The following CCDC169 variants were observed in gnomAD, a reference collection of about 807,000 sequenced individuals.
CCDC169 encodes the protein coiled-coil domain-containing protein 169.
A neutral mutation model predicts 36.0 loss-of-function variants in CCDC169; 30 were observed. That is an observed-to-expected ratio of 0.83 (90% CI 0.62 to 1.13). The LOEUF is 1.13. Ranked by LOEUF, CCDC169 falls within the 50% of genes most tolerant of loss-of-function variation. The pLI is 0.00. For missense variants in CCDC169, 245 were observed against 245.9 expected (o/e 1.00, Z 0.03); for synonymous variants, 85 against 81.5 (o/e 1.04, Z -0.23).
intron 6 of CCDC169, among the ~76,000 whole-genome samples, chr13:36,250,881 G>A (rs951492567): frequency 4.6e-5 from 7 of 152,118 alleles, no homozygotes; most frequent in East Asian, 1.9e-4. Flanking sequence ...AGAACTTCCC[G>A]ATAATGAAAC....
chr13:36,252,850 T>TCAGTTTAGGATGTATTTTGGCA, intron 6 of CCDC169, among the ~76,000 whole-genome samples: 1 of 152,200 alleles, frequency 6.6e-6, no homozygotes, highest in South Asian at 2.1e-4. Context: ...CATCCTAATC[T>TCAGTTTAGGATGTATTTTGGCA]TAAAACATAT....
chr13:36,283,697 C>A lies in CCDC169; in HGVS notation c.169G>T (p.Glu57Ter), dbSNP rs752313537. ...TGTGTCTCATAACGGGTTTTCCATT[C>A]ACTACCTGAGTAAAAACAGGGAGAA... ...AKLNTDNEGSEWKTRYETQLE... is the reference protein window; with the variant it reads ...AKLNTDNEGS Residue 57 changes from glutamate to a stop codon, truncating the protein, a stop_gained, in exon 3 of 8, where the codon GAA (glutamate) becomes TAA (stop). Coordinates refer to ENST00000239859, the MANE Select transcript of CCDC169 (RefSeq NM_001144981.3). LOFTEE classifies it high-confidence loss of function. 1.7e-5 allele frequency: 27 copies of A among 1,549,548 alleles called. No homozygotes were observed. In the South Asian group the frequency reaches 2.6e-4, roughly 15 times the overall value.
rs140138856 is a variant in CCDC169, at chr13:36,273,627, A to G, written c.315+9842T>C. 7.7e-3 allele frequency among the ~76,000 whole-genome samples: 1,166 copies of G among 152,336 alleles called. 18 individuals are homozygous for G. Among genetic ancestry groups the G allele is most frequent in the African/African-American group, 0.027 (1,114 of 41,564 alleles). On this transcript the variant is annotated intron_variant, in intron 4 of 7. Coordinates refer to ENST00000239859, the MANE Select transcript of CCDC169 (RefSeq NM_001144981.3). ...CTATTCTACAAGATTTAAAAATAAT[A>G]ATTTTATACTCAAAAACTGTGAATT...
At chr13:36,256,637 T>C (rs562662942) in intron 4 of CCDC169, among the ~76,000 whole-genome samples, 6 of 152,140 alleles carry the variant, frequency 3.9e-5, no homozygotes, top group Non-Finnish European at 7.4e-5. Context: ...CCTACTCATT[T>C]CATTTAGAAC....
intron 1 of CCDC169, among the ~76,000 whole-genome samples, chr13:36,297,423 C>T (rs1879656878): frequency 6.6e-6 from 1 of 152,122 alleles, no homozygotes; most frequent in South Asian, 2.1e-4. Context: ...CACATCCTAC[C>T]CGGAAAGCTG....
At chr13:36,246,780 T>C (rs1872548443) in intron 7 of CCDC169, among the ~76,000 whole-genome samples, 1 of 152,178 alleles carries the variant, frequency 6.6e-6, no homozygotes, top group Non-Finnish European at 1.5e-5. Flanking sequence ...TGGAAAAAGA[T>C]GCAAGCTGAG....
intron 2 of CCDC169, among the ~76,000 whole-genome samples, chr13:36,290,326 T>C (rs1878717229): frequency 1.3e-5 from 2 of 152,254 alleles, no homozygotes; most frequent in Non-Finnish European, 2.9e-5. Flanking sequence ...AGATACTAAA[T>C]AATTTAAATG....
At chr13:36,245,497 C>T (rs932953745) in intron 7 of CCDC169, among the ~76,000 whole-genome samples, 27 of 151,824 alleles carry the variant, frequency 1.8e-4, no homozygotes, top group Admixed American at 1.1e-3. Flanking sequence ...ACAGTCTTGC[C>T]ATGTTTCCCA....
chr13:36,291,261 A>G (rs185306945), intron 2 of CCDC169, among the ~76,000 whole-genome samples: 1 of 152,304 alleles, frequency 6.6e-6, no homozygotes, highest in East Asian at 1.9e-4. Context: ...TCAGAAGCTC[A>G]GCAAACATGT....
chr13:36,274,446 T>C (rs545660058), intron 4 of CCDC169: 19 of 152,292 alleles, frequency 1.2e-4, no homozygotes, highest in African/African-American at 4.3e-4. Flanking sequence ...GGACTGTTCA[T>C]AACTTAATGT....
At chr13:36,228,868 C>A (rs965511334), downstream of CCDC169, among the ~76,000 whole-genome samples, 1 of 152,122 alleles carries the variant, frequency 6.6e-6, no homozygotes, top group Non-Finnish European at 1.5e-5. Context: ...TTCTTTATGA[C>A]AAAATTATTT....
intron 4 of CCDC169, among the ~76,000 whole-genome samples, chr13:36,269,913 A>T (rs1232643031): frequency 6.6e-6 from 1 of 151,086 alleles, no homozygotes; most frequent in African/African-American, 2.4e-5. Context: ...TAGTTCTGGA[A>T]GTCCTAGCCA....
chr13:36,275,147 G>A (rs1812271), intron 4 of CCDC169, among the ~76,000 whole-genome samples: 38,687 of 151,838 alleles, frequency 0.25, 5,211 homozygotes, highest in East Asian at 0.49. Context: ...GATTACAGGC[G>A]TGAGCCACCG....
At chr13:36,227,177 T>G, downstream of CCDC169, 1 of 1,401,898 alleles carries the variant, frequency 7.1e-7, no homozygotes, top group Middle Eastern at 1.8e-4. Flanking sequence ...CTGGGGGTGG[T>G]GCACATGTCT....
At chr13:36,287,936 T>C (rs61950136) in intron 2 of CCDC169, among the ~76,000 whole-genome samples, 25,560 of 152,168 alleles carry the variant, frequency 0.17, 2,469 homozygotes, top group Non-Finnish European at 0.22. Flanking sequence ...AATTTTAAGG[T>C]TCTTAATTAG....
intron 1 of CCDC169, 115 bp from the exon 2 acceptor site, chr13:36,295,972 T>G: frequency 1.6e-6 from 1 of 610,504 alleles, no homozygotes; most frequent in Non-Finnish European, 2.8e-6. Context: ...CATTATTTAC[T>G]GAAGGACTGG....
At chr13:36,248,406 T>C (rs1208631032) in intron 7 of CCDC169, among the ~76,000 whole-genome samples, 200 bp downstream of exon 7, 2 of 151,950 alleles carry the variant, frequency 1.3e-5, no homozygotes, top group Non-Finnish European at 2.9e-5. Context: ...GGACCAAAAA[T>C]GTATCTGGGA....
intron 4 of CCDC169, among the ~76,000 whole-genome samples, chr13:36,272,082 CT>C (rs1183567494): frequency 1.5e-5 from 2 of 133,500 alleles, no homozygotes; most frequent in Non-Finnish European, 3.2e-5. Context: ...GAGGCTCCGT[CT>C]CAAAAAAAAA....
At chr13:36,226,395 C>T (rs1286901324), downstream of CCDC169, 1 of 152,148 alleles carries the variant, frequency 6.6e-6, no homozygotes, top group Admixed American at 6.5e-5. Flanking sequence ...GAGTATGCAA[C>T]CTAGATCCTC....
Sources: allele counts gnomAD v4.1 joint callset (sites outside exome capture counted in the v4.1 genomes callset), GRCh38; gene constraint gnomAD v4.1.1; transcripts MANE v1.5; gene names NCBI Gene and HGNC (gene_info 2026-07-23, HGNC 2026-07-21).